The following RNF38 variants were observed in gnomAD, a reference collection of about 807,000 sequenced individuals.
The protein encoded by RNF38 is E3 ubiquitin-protein ligase RNF38.
In RNF38, 15 loss-of-function variants were observed where a neutral mutation model predicts 67.2. That is an observed-to-expected ratio of 0.22 (90% CI 0.15 to 0.34). RNF38 has a LOEUF of 0.34. Among genes scored for constraint, RNF38 ranks in the 10% least tolerant of loss-of-function variants. The probability of loss-of-function intolerance (pLI) is 1.00; values close to 1 mark genes in which losing one functional copy is unlikely to be tolerated. For synonymous variants in RNF38, 220 were observed against 218.8 expected (o/e 1.01, Z -0.05); for missense variants, 524 against 639.9 (o/e 0.82, Z 1.95).
chr9:36,358,989 C>A (rs557891722), intron 4 of RNF38, among the ~76,000 whole-genome samples: 3 of 152,070 alleles, frequency 2.0e-5, no homozygotes, highest in African/African-American at 7.2e-5. Context: ...CCAGCCTGGG[C>A]GACAAGAAAA....
upstream of RNF38, among the ~76,000 whole-genome samples, chr9:36,402,494 TAAA>T (rs10560364): frequency 1.3e-4 from 18 of 142,994 alleles, no homozygotes; most frequent in Admixed American, 2.1e-4. Flanking sequence ...AATCTAAGCT[TAAA>T]AAAAAAAAAA....
intron 1 of RNF38, among the ~76,000 whole-genome samples, chr9:36,444,078 T>C (rs1361133489): frequency 1.3e-5 from 2 of 152,210 alleles, no homozygotes; most frequent in Non-Finnish European, 2.9e-5. Flanking sequence ...TTAAATATTT[T>C]TATTGTTAGC....
chr9:36,372,133 A>C (rs951033175), intron 3 of RNF38, among the ~76,000 whole-genome samples: 1 of 151,652 alleles, frequency 6.6e-6, no homozygotes, highest in African/African-American at 2.4e-5. Flanking sequence ...GTTTCACCAT[A>C]TTGGCCAGGC....
chr9:36,415,774 T>A (rs1420774760), intron 2 of RNF38, among the ~76,000 whole-genome samples: 2 of 152,102 alleles, frequency 1.3e-5, no homozygotes, highest in Non-Finnish European at 2.9e-5. Context: ...GTGCACTGGT[T>A]TTCTCAAATG....
chr9:36,400,242 A>G lies in RNF38; in HGVS notation c.-134T>C, dbSNP rs2480460. On this transcript the variant is annotated 5_prime_UTR_variant, in exon 1 of 12. Coordinates refer to ENST00000259605, the MANE Select transcript of RNF38 (RefSeq NM_022781.5). ...ATCCCCTGAGAACAAAACGCAGCCT[A>G]TCCAGAAACCCACGGAAGCAGAAGG... The G allele has an allele frequency of 0.012, 17,413 of 1,402,772 alleles. 1,312 individuals are homozygous for G. In the African/African-American group the frequency reaches 0.19, roughly 15 times the overall value. The allele number at this position is 1,402,772 out of a possible 1,614,324, so 86.9% of individuals were successfully genotyped here.
Position 36,376,107 on chromosome 9 carries a change from A to G in RNF38, c.183T>C (p.Pro61=), listed in dbSNP as rs775076447. ...AFFQSEDSPS[P]KRQRLSHSVF... ...CTGAATGAGAGAGGCGCTGTCTCTTAGGACTTGGACTATCTTCACTCTGCC... is the reference window on the plus strand; with the variant it reads ...CTGAATGAGAGAGGCGCTGTCTCTTGGGACTTGGACTATCTTCACTCTGCC... The change falls in exon 3 of 12, where the codon CCT becomes CCC. Residue 61 remains proline (P), a synonymous_variant. Transcript: ENST00000259605. The G allele has an allele frequency of 6.3e-7, 1 of 1,595,750 alleles. No individual in the cohort carries two copies. Among genetic ancestry groups the G allele is most frequent in the Non-Finnish European group, 8.5e-7 (1 of 1,173,846 alleles).
chr9:36,380,826 T>C (rs762780918), intron 2 of RNF38, among the ~76,000 whole-genome samples: 10 of 151,936 alleles, frequency 6.6e-5, no homozygotes, highest in Non-Finnish European at 1.0e-4. Flanking sequence ...CAGTGCTAAA[T>C]GCAGGGGAAA....
At chr9:36,352,993 A>G (rs755568342) in intron 7 of RNF38, 145 bp from the exon 8 acceptor site, 46 of 803,630 alleles carry the variant, frequency 5.7e-5, no homozygotes, top group Non-Finnish European at 7.7e-5. Flanking sequence ...TAACTTATTA[A>G]TGGATGCAGC....
At chr9:36,356,260 A>G in intron 6 of RNF38, 43 bp downstream of exon 6, 7 of 1,591,228 alleles carry the variant, frequency 4.4e-6, no homozygotes, top group Non-Finnish European at 6.0e-6. Flanking sequence ...ATTAAAAATT[A>G]GTTAAAAACT....
chr9:36,426,480 C>A (rs1838773943), intron 1 of RNF38, among the ~76,000 whole-genome samples: 1 of 152,204 alleles, frequency 6.6e-6, no homozygotes, highest in South Asian at 2.1e-4. Context: ...TTCATCCACA[C>A]TGAACCGCGT....
chr9:36,398,299 T>C (rs1453459156), intron 1 of RNF38, among the ~76,000 whole-genome samples: 1 of 152,096 alleles, frequency 6.6e-6, no homozygotes, highest in Non-Finnish European at 1.5e-5. Context: ...GCAGGCTCCA[T>C]GGCAAACACC....
intron 1 of RNF38, among the ~76,000 whole-genome samples, chr9:36,466,449 T>C (rs1839864432): frequency 6.6e-6 from 1 of 152,232 alleles, no homozygotes; most frequent in Non-Finnish European, 1.5e-5. Context: ...GCAGGCACAA[T>C]GGGAGGCTCA....
upstream of RNF38, chr9:36,400,318 C>A: frequency 7.9e-7 from 1 of 1,260,670 alleles, no homozygotes; most frequent in Non-Finnish European, 1.0e-6. Flanking sequence ...TGGGTGACAT[C>A]ATTTCACCTG....
intron 2 of RNF38, among the ~76,000 whole-genome samples, chr9:36,417,410 C>A (rs1328887527): frequency 1.3e-5 from 2 of 152,220 alleles, no homozygotes; most frequent in Non-Finnish European, 2.9e-5. Context: ...TAAAATTATA[C>A]ATCTTACTTG....
In RNF38 at chr9:36,420,356, C is replaced by G. The variant is rs371128146; in HGVS notation, n.312+4257G>C. Among the ~76,000 whole-genome samples the G allele has an allele frequency of 4.6e-5, 7 of 151,918 alleles. No homozygotes were observed. In the East Asian group the frequency reaches 9.7e-4, roughly 21 times the overall value. On this transcript the variant is annotated intron_variant and non_coding_transcript_variant, in intron 2 of 3. Coordinates refer to the RNF38 transcript ENST00000488058. ...GACCATCCTGGCTAACACAGTGAAA[C>G]CCCCTCTCTACTACAAATACAAAAA...
At chr9:36,411,595 G>A (rs747044120) in intron 2 of RNF38, among the ~76,000 whole-genome samples, 3 of 152,064 alleles carry the variant, frequency 2.0e-5, no homozygotes, top group Admixed American at 1.3e-4. Context: ...AGAGTCTTGC[G>A]CAATCACCCA....
upstream of RNF38, chr9:36,401,160 G>C (rs1314649439): frequency 1.0e-6 from 1 of 984,402 alleles, no homozygotes; most frequent in Admixed American, 6.2e-5. Flanking sequence ...GCTCCGCACC[G>C]CGCGCCGAAC....
At position 36,369,952 on chromosome 9, in the gene RNF38, GA is replaced by G. The variant is rs1835253805; in HGVS notation, c.357-21del. 6.3e-7 allele frequency: 1 copy of G among 1,593,548 alleles called. No individual in the cohort carries two copies. The highest frequency in any genetic ancestry group is 8.6e-7 in the Non-Finnish European group (1 of 1,165,552). On this transcript the variant is annotated intron_variant, in intron 3 of 11. Transcript: ENST00000259605. ...GGAGGACTGTGATAAATATCAAAAA[GA>G]AAGTCATTATGCTTATTGTGATCCA...
At chr9:36,401,739 T>A (rs1052832459), upstream of RNF38, among the ~76,000 whole-genome samples, 2 of 152,138 alleles carry the variant, frequency 1.3e-5, no homozygotes, top group African/African-American at 2.4e-5. Context: ...GAGAGGGCAG[T>A]CAAGAGGACA....
Sources: allele counts gnomAD v4.1 joint callset (sites outside exome capture counted in the v4.1 genomes callset), GRCh38; gene constraint gnomAD v4.1.1; transcripts MANE v1.5; gene names NCBI Gene and HGNC (gene_info 2026-07-23, HGNC 2026-07-21).